PEAK1: variants seen among roughly 807,000 people sequenced by gnomAD.
The protein encoded by PEAK1 is inactive tyrosine-protein kinase PEAK1.
In PEAK1, 54 loss-of-function variants were observed where a neutral mutation model predicts 124.7. The observed-to-expected ratio is 0.43, with a 90% CI of 0.35 to 0.54. The LOEUF is 0.54. Ranked by LOEUF, PEAK1 falls within the 20% of genes least tolerant of loss-of-function variation. The pLI is 0.01. For synonymous variants in PEAK1, 719 were observed against 760.0 expected, an observed-to-expected ratio of 0.95 and a Z score of 0.89; for missense variants, 2,046 against 2,134.5, an observed-to-expected ratio of 0.96 and a Z score of 0.82.
At chr15:77,388,135 A>C (rs1376852853) in intron 1 of PEAK1, among the ~76,000 whole-genome samples, 1 of 152,196 alleles carries the variant, frequency 6.6e-6, no homozygotes, top group Non-Finnish European at 1.5e-5. Context: ...TAAAAGCTGC[A>C]GTAAGTCATG....
intron 1 of PEAK1, among the ~76,000 whole-genome samples, chr15:77,384,381 T>C (rs2069746691): frequency 6.6e-6 from 1 of 152,134 alleles, no homozygotes; most frequent in African/African-American, 2.4e-5. Flanking sequence ...CAACCCAAAA[T>C]GTGATTTGGC....
At chr15:77,416,514 G>A (rs1221286393) in intron 1 of PEAK1, among the ~76,000 whole-genome samples, 1 of 152,148 alleles carries the variant, frequency 6.6e-6, no homozygotes, top group Non-Finnish European at 1.5e-5. Flanking sequence ...CAAAATGACA[G>A]GTCTAAAATA....
chr15:77,351,620 C>T (rs1463275896), intron 2 of PEAK1: 1 of 752,688 alleles, frequency 1.3e-6, no homozygotes, highest in African/African-American at 1.9e-5. Flanking sequence ...CACACTGTGG[C>T]ATGTACGTTC....
rs2050994162 is a variant in PEAK1 at position 77,111,846 on chromosome 15, C to G, written c.*2310G>C. Reference sequence around the variant, plus strand: ...ATTTACATGGGCAAGGCACCACGAACATGACATTGAGAAGGTATATCTCAA... The same window carrying G: ...ATTTACATGGGCAAGGCACCACGAAGATGACATTGAGAAGGTATATCTCAA... On this transcript the variant is annotated 3_prime_UTR_variant, in exon 10 of 10. Transcript: ENST00000682557. The G allele has an allele frequency of 6.6e-6, 1 of 152,208 alleles. No individual in the cohort carries two copies. The highest frequency in any genetic ancestry group is 2.4e-5 in the African/African-American group (1 of 41,444). The allele number at this position is 152,208 out of a possible 1,614,324, so 9.4% of individuals were successfully genotyped here. A position where few individuals can be genotyped will look rare whatever the true frequency, so the allele number is the denominator to read the frequency against.
At chr15:77,200,396 T>G (rs116653667) in intron 6 of PEAK1, among the ~76,000 whole-genome samples, 1 of 152,192 alleles carries the variant, frequency 6.6e-6, no homozygotes, top group East Asian at 1.9e-4. Flanking sequence ...ATGCAGATTT[T>G]TGACTGTGTG....
chr15:77,187,163 A>G (rs1171024343), intron 6 of PEAK1, among the ~76,000 whole-genome samples: 2 of 152,238 alleles, frequency 1.3e-5, no homozygotes, highest in African/African-American at 2.4e-5. Flanking sequence ...GAAATAGTCT[A>G]TGGGAGAGTT....
intron 2 of PEAK1, among the ~76,000 whole-genome samples, chr15:77,362,514 A>G (rs1483193203): frequency 6.6e-6 from 1 of 152,250 alleles, no homozygotes; most frequent in Non-Finnish European, 1.5e-5. Context: ...AATGTTAAGT[A>G]TTGGCAAGGA....
intron 6 of PEAK1, chr15:77,239,975 G>T: frequency 2.8e-6 from 1 of 355,308 alleles, no homozygotes; most frequent in Non-Finnish European, 3.9e-6. Context: ...CTTTTAAGTT[G>T]CAGGAAATAA....
In PEAK1 at chr15:77,365,226, C is replaced by A. The variant is rs1306873354; in HGVS notation, c.-665-1G>T. ...CATAAGTTCCAGTTTGGGCAGATAC[C>A]TGAATTGTAAAAAACAAACAGAAAA... is the stretch of plus-strand genomic sequence containing the variant. On this transcript the variant is annotated splice_acceptor_variant, in intron 1 of 9. Transcript: ENST00000682557. LOFTEE classifies it low-confidence loss of function (5UTR_SPLICE). 3.1e-6 allele frequency: 3 copies of A among 981,726 alleles called. No individual in the cohort carries two copies. In the African/African-American group the frequency reaches 5.3e-5, roughly 17 times the overall value. The allele number at this position is 981,726 out of a possible 1,614,324, so 60.8% of individuals were successfully genotyped here.
chr15:77,397,187 T>C (rs2070958908), intron 1 of PEAK1, among the ~76,000 whole-genome samples: 1 of 151,898 alleles, frequency 6.6e-6, no homozygotes, highest in African/African-American at 2.4e-5. Context: ...ACAAAGAAAG[T>C]AAACAATATG....
intron 1 of PEAK1, among the ~76,000 whole-genome samples, chr15:77,382,251 T>C (rs911906340): frequency 5.9e-5 from 9 of 152,228 alleles, no homozygotes; most frequent in African/African-American, 2.2e-4. Context: ...CTTGACAGCC[T>C]GGTAACACAA....
chr15:77,114,957 G>A lies in PEAK1; in HGVS notation c.4440C>T (p.Ala1480=), dbSNP rs757851946. Reference sequence around the variant, plus strand: ...ACAAATCAGGGCTTTTCCCATGCTGGGCCAGAGAGTCTCGCACAAAATCAG... The same window carrying A: ...ACAAATCAGGGCTTTTCCCATGCTGAGCCAGAGAGTCTCGCACAAAATCAG... ...TVADFVRDSL[A]QHGKSPDLYE... Residue 1480 remains alanine (A), a synonymous_variant, in exon 10 of 10, where the codon GCC becomes GCT. Coordinates refer to ENST00000682557, the MANE Select transcript of PEAK1 (RefSeq NM_001385026.1). 3 of 1,614,070 alleles carry A rather than the reference G, an allele frequency of 1.9e-6. No homozygotes were observed. The highest frequency in any genetic ancestry group is 2.7e-5 in the African/African-American group (2 of 75,014).
chr15:77,204,424 T>C (rs936604171), intron 6 of PEAK1, among the ~76,000 whole-genome samples: 11 of 152,218 alleles, frequency 7.2e-5, no homozygotes, highest in African/African-American at 2.7e-4. Context: ...TGAAAACTTA[T>C]GTCCAAACAA....
At chr15:77,338,215 T>G in intron 2 of PEAK1, 1 of 688,410 alleles carries the variant, frequency 1.5e-6, no homozygotes, top group South Asian at 6.5e-5. Context: ...AGATTTAATT[T>G]AGGCCACAGA....
At chr15:77,375,647 G>T (rs1263811087) in intron 1 of PEAK1, among the ~76,000 whole-genome samples, 1 of 152,100 alleles carries the variant, frequency 6.6e-6, no homozygotes, top group African/African-American at 2.4e-5. Context: ...CAAAAATTAA[G>T]CACTTAGATC....
At chr15:77,253,320 T>C (rs1240749450) in intron 5 of PEAK1, among the ~76,000 whole-genome samples, 5 of 151,934 alleles carry the variant, frequency 3.3e-5, no homozygotes, top group African/African-American at 1.2e-4. Context: ...ATTATAATAT[T>C]CTTTTGCTAG....
chr15:77,135,960 T>C (rs1451975772), intron 8 of PEAK1, among the ~76,000 whole-genome samples: 1 of 152,168 alleles, frequency 6.6e-6, no homozygotes, highest in African/African-American at 2.4e-5. Context: ...GCTGAAAAGA[T>C]ACCCGAAAAT....
downstream of PEAK1, chr15:77,106,228 G>A (rs1344900003): frequency 2.0e-5 from 3 of 152,150 alleles, no homozygotes; most frequent in Non-Finnish European, 4.4e-5. Context: ...TTTTATTTCT[G>A]TAACCAGTTA....
At chr15:77,178,130 T>C (rs1447905664) in intron 7 of PEAK1, 4 of 152,294 alleles carry the variant, frequency 2.6e-5, no homozygotes, top group Non-Finnish European at 5.9e-5. Context: ...AGAAAATGAA[T>C]GCCTAGAGAA....
Sources: gnomAD v4.1 joint callset for allele counts (sites outside exome capture counted in the v4.1 genomes callset) on GRCh38, gnomAD v4.1.1 for gene constraint, MANE v1.5 for transcripts, NCBI Gene and HGNC (gene_info 2026-07-23, HGNC 2026-07-21) for gene names.